Variants in CA6 observed in about 807,000 individuals in gnomAD.
CA6 encodes carbonic anhydrase 6.
A neutral mutation model predicts 35.9 loss-of-function variants in CA6; 28 were observed. The ratio of observed to expected loss-of-function variants is 0.78; its 90% CI spans 0.58 to 1.07. CA6 has a LOEUF of 1.07. Ranked by LOEUF, CA6 falls within the 50% of genes least tolerant of loss-of-function variation. The probability of loss-of-function intolerance (pLI) is 0.00; values close to 1 mark genes in which losing one functional copy is unlikely to be tolerated. For missense variants in CA6, 377 were observed against 382.0 expected (o/e 0.99, Z 0.11); for synonymous variants, 148 against 152.6 (o/e 0.97, Z 0.22).
At chr1:8,952,089 G>C (rs567145969) in intron 2 of CA6, 1 of 136,356 alleles carries the variant, frequency 7.3e-6, no homozygotes, top group Non-Finnish European at 1.6e-5. Flanking sequence ...CAAAGTGCTA[G>C]GATTACAGGC....
intron 2 of CA6, among the ~76,000 whole-genome samples, chr1:8,952,816 C>T (rs1639574715): frequency 6.6e-6 from 1 of 152,074 alleles, no homozygotes; most frequent in African/African-American, 2.4e-5. Flanking sequence ...GCCACCACGC[C>T]TGGCTAATTT....
At position 8,973,787 on chromosome 1, in the gene CA6, T is replaced by TC. The variant is rs1290061902; in HGVS notation, c.845-835_845-834insC. The stretch of plus-strand genomic sequence containing the variant: ...TTCTTTCTTTCTTTCTTTCTTTCTT[T>TC]TCCCTCCCTCCCTCTCTCTCTCTCT... On this transcript the variant is annotated intron_variant, in intron 7 of 7. Transcript: ENST00000377443. Among the ~76,000 whole-genome samples, 144 of 84,984 alleles carry TC rather than the reference T, an allele frequency of 1.7e-3. 12 individuals are homozygous for TC. Among genetic ancestry groups the TC allele is most frequent in the African/African-American group, 0.011 (140 of 12,404 alleles). 55.8% of individuals were successfully genotyped at this position (84,984 alleles called of 152,430 possible). A position where few individuals can be genotyped will look rare whatever the true frequency, so the allele number is the denominator to read the frequency against.
chr1:8,968,558 T>C (rs562212179), intron 6 of CA6, among the ~76,000 whole-genome samples: 4 of 152,110 alleles, frequency 2.6e-5, no homozygotes, highest in Non-Finnish European at 5.9e-5. Context: ...AGACTTCAGT[T>C]AGTGGAATTA....
intron 3 of CA6, 79 bp from the exon 4 acceptor site, chr1:8,958,831 C>T (rs1241882958): frequency 3.7e-6 from 3 of 804,312 alleles, no homozygotes. Context: ...ACCTTTCTTT[C>T]TCTTCCTCCT....
rs1250126192 is a variant in CA6 at position 8,963,455 on chromosome 1, T to C, written c.571+799T>C. On this transcript the variant is annotated intron_variant, in intron 5 of 7. Coordinates refer to ENST00000377443, the MANE Select transcript of CA6 (RefSeq NM_001215.4). The surrounding 1 kb of genome is among the most constrained non-coding windows in gnomAD (Gnocchi z 4.1). ...GCAAATCTCCAGACCAACTCTGGAG[T>C]TTTTTTAGTTATTTTCTTAGTGGTT... is the stretch of plus-strand genomic sequence containing the variant. Among the ~76,000 whole-genome samples the C allele has an allele frequency of 2.0e-5, 3 of 151,944 alleles. No individual in the cohort carries two copies.
rs149383072 is a variant in CA6, at chr1:8,956,488, T to C, written c.260-649T>C. On this transcript the variant is annotated intron_variant, in intron 2 of 7. Transcript: ENST00000377443. The stretch of plus-strand genomic sequence containing the variant: ...CAGCGTAACCAATATGGTGAAACAC[T>C]GTCTCTACTAAAAACACAAAAATTA... Among the ~76,000 whole-genome samples the C allele has an allele frequency of 9.2e-3, 1,394 of 152,040 alleles. 18 individuals carry two copies. Among genetic ancestry groups the C allele is most frequent in the African/African-American group, 0.033 (1,358 of 41,444 alleles).
chr1:8,970,707 G>A (rs1181341327), intron 6 of CA6, among the ~76,000 whole-genome samples, 160 bp from the exon 7 acceptor site: 7 of 151,994 alleles, frequency 4.6e-5, no homozygotes, highest in Non-Finnish European at 1.0e-4. Context: ...CACCATGTTG[G>A]CCAGGCTGGT....
chr1:8,969,934 G>A (rs989436272), intron 6 of CA6, among the ~76,000 whole-genome samples: 1 of 152,184 alleles, frequency 6.6e-6, no homozygotes, highest in Non-Finnish European at 1.5e-5. Flanking sequence ...TTCAGGTCAG[G>A]TGAGGTGGTT....
intron 7 of CA6, 196 bp from the exon 8 acceptor site, chr1:8,974,426 G>A: frequency 6.5e-7 from 1 of 1,532,402 alleles, no homozygotes; most frequent in Non-Finnish European, 8.7e-7. Flanking sequence ...CCTTGGCTCT[G>A]GGCAGCTTAG....
intron 7 of CA6, among the ~76,000 whole-genome samples, chr1:8,973,724 CT>C (rs1018065602): frequency 6.3e-5 from 1 of 15,870 alleles, no homozygotes; most frequent in African/African-American, 3.7e-4. Context: ...TTCTTTCTTT[CT>C]TTCTTTCTTT....
intron 1 of CA6, among the ~76,000 whole-genome samples, chr1:8,946,805 GTTT>G (rs60046591): frequency 2.0e-5 from 2 of 102,038 alleles, no homozygotes; most frequent in Non-Finnish European, 3.9e-5. Flanking sequence ...TTTTTTTTTT[GTTT>G]TTTTTTTTTT....
Position 8,967,654 on chromosome 1 carries a change from G to A in CA6, c.572-5G>A. ...CATTCTGTTACCTTCTGTCTTCTTG[G>A]TCAGGACAAAGAACAACCCTGACTG... On this transcript the variant is annotated splice_region_variant and splice_polypyrimidine_tract_variant and intron_variant, in intron 5 of 7. Transcript: ENST00000377443. 17 of 1,613,372 alleles carry A rather than the reference G, an allele frequency of 1.1e-5. No homozygotes were observed. The highest frequency in any genetic ancestry group is 1.4e-5 in the Non-Finnish European group (16 of 1,179,570).
intron 2 of CA6, chr1:8,951,385 G>T (rs776228059): frequency 1.3e-6 from 1 of 742,338 alleles, no homozygotes; most frequent in Non-Finnish European, 2.5e-6. Flanking sequence ...TCATAATGTC[G>T]AGCTCTTGTT....
chr1:8,958,960 A>C lies in CA6; in HGVS notation c.459A>C (p.Gln153His). 2 of 1,613,188 alleles carry C rather than the reference A, an allele frequency of 1.2e-6. No individual in the cohort carries two copies. Among genetic ancestry groups the C allele is most frequent in the Non-Finnish European group, 8.5e-7 (1 of 1,179,242 alleles). The change falls in exon 4 of 8, where the codon CAA becomes CAC. Residue 153 changes from glutamine (Q) to histidine (H), a missense_variant. Physicochemically the swap from Gln to His is conservative, Grantham distance 24. Coordinates refer to ENST00000377443, the MANE Select transcript of CA6 (RefSeq NM_001215.4). ...NSKYKSYDIA[Q>H]DAPDGLAVLA... Reference sequence around the variant, plus strand: ...AATACAAGAGCTATGATATAGCCCAAGATGCGCCGGATGGTTTGGCTGTAC... The same window carrying C: ...AATACAAGAGCTATGATATAGCCCACGATGCGCCGGATGGTTTGGCTGTAC...
intron 4 of CA6, among the ~76,000 whole-genome samples, chr1:8,960,217 C>T (rs929381330): frequency 1.4e-5 from 2 of 146,646 alleles, no homozygotes; most frequent in East Asian, 4.0e-4. Context: ...GATGACAGAG[C>T]GAGACTCCGT....
chr1:8,949,234 C>T (rs1365448201), intron 1 of CA6, 29 bp from the exon 2 acceptor site: 19 of 1,521,768 alleles, frequency 1.2e-5, no homozygotes, highest in Non-Finnish European at 1.7e-5. Context: ...AGCCAGGCAG[C>T]CCCTTGAACT....
At chr1:8,971,381 G>A (rs530027179) in intron 7 of CA6, among the ~76,000 whole-genome samples, 45 of 146,390 alleles carry the variant, frequency 3.1e-4, no homozygotes, top group African/African-American at 1.0e-3. Context: ...GTGCAATCTC[G>A]TCTCACTACA....
chr1:8,957,358 T>A (rs1639716618), intron 3 of CA6, 73 bp downstream of exon 3: 1 of 1,440,182 alleles, frequency 6.9e-7, no homozygotes, highest in African/African-American at 1.4e-5. Flanking sequence ...TTATTTATTT[T>A]GAGACAGAGT....
intron 6 of CA6, among the ~76,000 whole-genome samples, chr1:8,969,017 C>CCA (rs1470930727): frequency 7.2e-5 from 10 of 137,980 alleles, no homozygotes; most frequent in Middle Eastern, 3.7e-3. Flanking sequence ...AACCCTGTCT[C>CCA]AAAAAAAAAA....
Sources: allele counts gnomAD v4.1 joint callset (sites outside exome capture counted in the v4.1 genomes callset), GRCh38; gene constraint gnomAD v4.1.1; non-coding constraint Gnocchi (gnomAD v3.1); transcripts MANE v1.5; gene names NCBI Gene and HGNC (gene_info 2026-07-23, HGNC 2026-07-21).